Variants in PHF24 observed in about 807,000 individuals in gnomAD.
PHF24 encodes Galpha inhibitory interacting protein.
PHF24 carries 25 observed loss-of-function variants against 42.6 expected under a neutral mutation model. The ratio of observed to expected loss-of-function variants is 0.59; its 90% confidence interval spans 0.43 to 0.82. PHF24 has a LOEUF of 0.82. Among genes scored for constraint, PHF24 ranks in the 40% least tolerant of loss-of-function variants. The pLI is 0.00. For missense variants in PHF24, 470 were observed against 538.1 expected, an observed-to-expected ratio of 0.87 and a Z score of 1.25; for synonymous variants, 185 against 204.8, an observed-to-expected ratio of 0.90 and a Z score of 0.83.
the PHF24 span, chr9:34,724,886 A>C: frequency 1.3e-6 from 2 of 1,549,618 alleles, no homozygotes; most frequent in Non-Finnish European, 1.7e-6. Context: ...CAGCCCCGAC[A>C]GGAAGGCCAG....
the PHF24 span, among the ~76,000 whole-genome samples, chr9:34,945,243 A>G: frequency 6.6e-6 from 1 of 152,238 alleles, no homozygotes; most frequent in Admixed American, 6.5e-5. Flanking sequence ...TGGGTGAACT[A>G]TACCCGGAAC....
intron 1 of PHF24, among the ~76,000 whole-genome samples, chr9:34,967,547 A>G (rs931758804): frequency 2.0e-5 from 3 of 152,256 alleles, no homozygotes; most frequent in Admixed American, 1.3e-4. Context: ...GTAATTGCTC[A>G]TAATAAAAAT....
chr9:34,848,208 C>T, the PHF24 span, among the ~76,000 whole-genome samples: 6 of 151,246 alleles, frequency 4.0e-5, no homozygotes, highest in East Asian at 1.2e-3. Context: ...TGGTAGAATT[C>T]GGCTGTGAAT....
At chr9:34,740,795 A>C in the PHF24 span, among the ~76,000 whole-genome samples, 3 of 152,346 alleles carry the variant, frequency 2.0e-5, no homozygotes, top group South Asian at 6.2e-4. Context: ...TTACAATGGA[A>C]TATTATGCTA....
At chr9:34,703,427 T>C in the PHF24 span, among the ~76,000 whole-genome samples, 147,646 of 152,276 alleles carry the variant, frequency 0.97, 71,748 homozygotes, top group East Asian at 1. Context: ...CCTCGGCCTC[T>C]CAAAGTGCTG....
the PHF24 span, among the ~76,000 whole-genome samples, chr9:34,934,812 T>A: frequency 6.6e-6 from 1 of 152,204 alleles, no homozygotes. Flanking sequence ...TAATGGGTGC[T>A]GAATAATGTA....
At chr9:34,693,735 T>C in the PHF24 span, among the ~76,000 whole-genome samples, 5 of 152,212 alleles carry the variant, frequency 3.3e-5, no homozygotes, top group Non-Finnish European at 7.3e-5. Context: ...ATGAAAAGTA[T>C]GTATATACAT....
chr9:34,723,536 A>G, the PHF24 span: 47 of 1,551,768 alleles, frequency 3.0e-5, no homozygotes, highest in Non-Finnish European at 4.1e-5. Flanking sequence ...GGCTGAGAAC[A>G]TGGAGTCCTC....
chr9:34,929,931 C>T, the PHF24 span, among the ~76,000 whole-genome samples: 1 of 152,178 alleles, frequency 6.6e-6, no homozygotes, highest in Non-Finnish European at 1.5e-5. Flanking sequence ...AGAATTTCAG[C>T]GAGATCTGGA....
the PHF24 span, among the ~76,000 whole-genome samples, chr9:34,880,307 A>C: frequency 2.0e-5 from 3 of 152,236 alleles, no homozygotes; most frequent in Non-Finnish European, 4.4e-5. Flanking sequence ...GAGCAAAATA[A>C]CCAGCTAACA....
the PHF24 span, among the ~76,000 whole-genome samples, chr9:34,859,643 C>G: frequency 6.6e-6 from 1 of 152,108 alleles, no homozygotes; most frequent in Non-Finnish European, 1.5e-5. Flanking sequence ...TATTCATGCA[C>G]TTTGTTTCCC....
chr9:34,756,800 G>T, the PHF24 span, among the ~76,000 whole-genome samples: 1 of 152,032 alleles, frequency 6.6e-6, no homozygotes, highest in Non-Finnish European at 1.5e-5. Flanking sequence ...AGATCACTCT[G>T]GGTACAATGG....
At chr9:34,818,928 G>A in the PHF24 span, among the ~76,000 whole-genome samples, 2 of 152,054 alleles carry the variant, frequency 1.3e-5, no homozygotes, top group Non-Finnish European at 1.5e-5. Context: ...AGACCATCTG[G>A]GTCTAAAATT....
At chr9:34,687,000 G>T in the PHF24 span, among the ~76,000 whole-genome samples, 1 of 152,000 alleles carries the variant, frequency 6.6e-6, no homozygotes, top group Non-Finnish European at 1.5e-5. Flanking sequence ...CTGGGCAATT[G>T]TACCTGGCAG....
At chr9:34,911,690 TTTTG>T in the PHF24 span, among the ~76,000 whole-genome samples, 26,224 of 152,020 alleles carry the variant, frequency 0.17, 2,753 homozygotes, top group East Asian at 0.48. Context: ...ATGTGAACTC[TTTTG>T]TTTATCAAAT....
At chr9:34,938,638 A>C in the PHF24 span, among the ~76,000 whole-genome samples, 1 of 152,194 alleles carries the variant, frequency 6.6e-6, no homozygotes, top group Non-Finnish European at 1.5e-5. Context: ...TAAAAAAGCC[A>C]TGAGCCTGTT....
In PHF24 at chr9:34,976,521, G is replaced by A. The variant is rs375448431; in HGVS notation, c.644-14G>A. The A allele has an allele frequency of 8.7e-6, 14 of 1,606,396 alleles. No individual in the cohort carries two copies. The highest frequency in any genetic ancestry group is 1.2e-5 in the Non-Finnish European group (14 of 1,174,676). The stretch of plus-strand genomic sequence containing the variant: ...GGAAGGATGGGCATGGCTAGCACGG[G>A]GTGCCTCCCACAGATTGCTCCCTGA... On this transcript the variant is annotated splice_polypyrimidine_tract_variant and intron_variant, in intron 4 of 7. Transcript: ENST00000242315.
chr9:34,746,642 A>G, the PHF24 span, among the ~76,000 whole-genome samples: 2 of 152,236 alleles, frequency 1.3e-5, no homozygotes, highest in Non-Finnish European at 2.9e-5. Context: ...GAATGGATGA[A>G]ATCTGATAAA....
chr9:34,859,178 A>AT, the PHF24 span, among the ~76,000 whole-genome samples: 1 of 151,984 alleles, frequency 6.6e-6, no homozygotes, highest in Non-Finnish European at 1.5e-5. Context: ...TACTATATAT[A>AT]TTTTCTCATA....
Sources: gnomAD v4.1 joint callset for allele counts (sites outside exome capture counted in the v4.1 genomes callset) on GRCh38, gnomAD v4.1.1 for gene constraint, MANE v1.5 for transcripts, NCBI Gene and HGNC (gene_info 2026-07-23, HGNC 2026-07-21) for gene names.